AGBL4: variants seen among roughly 807,000 people sequenced by gnomAD.
The protein encoded by AGBL4 is AGBL carboxypeptidase 4, also known as cytosolic carboxypeptidase 6.
In AGBL4, 58 loss-of-function variants were observed where a neutral mutation model predicts 66.4. The observed-to-expected ratio is 0.87, with a 90% CI of 0.71 to 1.09. AGBL4 has a LOEUF of 1.09. Ranked by LOEUF, AGBL4 falls within the 50% of genes least tolerant of loss-of-function variation. The pLI is 0.00. For synonymous variants in AGBL4, 234 were observed against 222.9 expected (o/e 1.05, Z -0.44); for missense variants, 579 against 631.0 (o/e 0.92, Z 0.88).
chr1:49,761,741 A>G (rs576091383), intron 2 of AGBL4, among the ~76,000 whole-genome samples: 4 of 152,308 alleles, frequency 2.6e-5, no homozygotes, highest in East Asian at 1.9e-4. Flanking sequence ...TTAAAAATAT[A>G]TAATGCTTTA....
At chr1:49,516,227 A>G (rs1255547610) in intron 3 of AGBL4, among the ~76,000 whole-genome samples, 1 of 151,996 alleles carries the variant, frequency 6.6e-6, no homozygotes, top group Non-Finnish European at 1.5e-5. Context: ...TAGGGAACAC[A>G]GGCAAATACA....
At chr1:49,489,384 G>T in intron 3 of AGBL4, among the ~76,000 whole-genome samples, 1 of 151,476 alleles carries the variant, frequency 6.6e-6, no homozygotes, top group Non-Finnish European at 1.5e-5. Context: ...CAGATTATTA[G>T]ATTTTTTTCC....
At chr1:48,812,944 A>C (rs1208395262) in intron 6 of AGBL4, among the ~76,000 whole-genome samples, 1 of 150,694 alleles carries the variant, frequency 6.6e-6, no homozygotes, top group Non-Finnish European at 1.5e-5. Flanking sequence ...GGAACATCAC[A>C]CACTGGGGAC....
chr1:49,328,496 C>G (rs1645268619), intron 3 of AGBL4, among the ~76,000 whole-genome samples: 1 of 152,158 alleles, frequency 6.6e-6, no homozygotes, highest in Admixed American at 6.5e-5. Flanking sequence ...TTAATGGGGT[C>G]TAGTCCTCTC....
intron 4 of AGBL4, among the ~76,000 whole-genome samples, chr1:49,081,548 G>C (rs1401740372): frequency 6.6e-6 from 1 of 152,204 alleles, no homozygotes; most frequent in African/African-American, 2.4e-5. Context: ...GCTTATAAGA[G>C]ATATCCTTGC....
intron 5 of AGBL4, among the ~76,000 whole-genome samples, chr1:48,978,770 A>C (rs1374888905): frequency 6.6e-6 from 1 of 152,196 alleles, no homozygotes; most frequent in South Asian, 2.1e-4. Flanking sequence ...TGACCTAGTC[A>C]CATAGAAATA....
chr1:49,444,405 A>C (rs1041646407), intron 3 of AGBL4, among the ~76,000 whole-genome samples: 1 of 152,116 alleles, frequency 6.6e-6, no homozygotes, highest in Admixed American at 6.5e-5. Context: ...CCTTAGAAGT[A>C]GACTTAAATA....
At chr1:49,679,950 T>C (rs1271791128) in intron 3 of AGBL4, among the ~76,000 whole-genome samples, 1 of 152,152 alleles carries the variant, frequency 6.6e-6, no homozygotes, top group African/African-American at 2.4e-5. Flanking sequence ...TTGTTTCAAC[T>C]TTCAAACATA....
rs1003678340 is a variant in AGBL4 at position 49,031,692 on chromosome 1, T to A, written c.594+13892A>T. On this transcript the variant is annotated intron_variant, in intron 5 of 13. Transcript: ENST00000371839. ...TTAGTCATAAGGGGGAAAAGGAAGTTCTCTGGCAGTGGTGTAGAGGTTAGA... is the reference window on the plus strand; with the variant it reads ...TTAGTCATAAGGGGGAAAAGGAAGTACTCTGGCAGTGGTGTAGAGGTTAGA... 2.0e-5 allele frequency among the ~76,000 whole-genome samples: 3 copies of A among 152,130 alleles called. No homozygotes were observed. In the South Asian group the frequency reaches 6.2e-4, roughly 32 times the overall value.
intron 5 of AGBL4, among the ~76,000 whole-genome samples, chr1:48,902,601 A>G (rs1427787983): frequency 6.6e-6 from 1 of 152,076 alleles, no homozygotes; most frequent in Non-Finnish European, 1.5e-5. Flanking sequence ...CCATAGTGAA[A>G]TTTATTCAGT....
At chr1:49,190,814 T>C (rs929590571) in intron 4 of AGBL4, among the ~76,000 whole-genome samples, 3 of 152,080 alleles carry the variant, frequency 2.0e-5, no homozygotes, top group African/African-American at 7.2e-5. Flanking sequence ...GGGTATATAA[T>C]TAACAGAATA....
chr1:49,546,063 T>C (rs183940524), intron 3 of AGBL4, among the ~76,000 whole-genome samples: 2 of 152,220 alleles, frequency 1.3e-5, no homozygotes, highest in East Asian at 1.9e-4. Flanking sequence ...CCACAGGCCA[T>C]TGTATCATTC....
chr1:48,568,246 C>T (rs1364676533), intron 11 of AGBL4, among the ~76,000 whole-genome samples: 1 of 152,132 alleles, frequency 6.6e-6, no homozygotes, highest in Non-Finnish European at 1.5e-5. Context: ...GCATCTCTTG[C>T]ACTCTCTCCC....
chr1:49,649,825 T>C (rs770412772), intron 3 of AGBL4, among the ~76,000 whole-genome samples: 1 of 152,046 alleles, frequency 6.6e-6, no homozygotes, highest in Non-Finnish European at 1.5e-5. Context: ...AAACTAAAAA[T>C]AAGTAACAAA....
At chr1:49,956,320 T>C (rs1656601183) in intron 1 of AGBL4, among the ~76,000 whole-genome samples, 1 of 151,816 alleles carries the variant, frequency 6.6e-6, no homozygotes, top group Non-Finnish European at 1.5e-5. Flanking sequence ...GGGCCCAAAA[T>C]AATTTGTGAC....
intron 6 of AGBL4, among the ~76,000 whole-genome samples, chr1:48,667,409 A>G (rs1646206371): frequency 6.6e-6 from 1 of 152,212 alleles, no homozygotes; most frequent in South Asian, 2.1e-4. Flanking sequence ...GCCAGGAGGA[A>G]CTGAGGTTTG....
intron 4 of AGBL4, among the ~76,000 whole-genome samples, chr1:49,208,021 C>G (rs1648378819): frequency 1.3e-5 from 2 of 152,036 alleles, no homozygotes; most frequent in Non-Finnish European, 2.9e-5. Context: ...AACAGCTATA[C>G]TTTTAGAATA....
chr1:48,663,114 A>G (rs1646133622), intron 7 of AGBL4, 38 bp downstream of exon 7: 1 of 1,592,920 alleles, frequency 6.3e-7, no homozygotes, highest in Non-Finnish European at 8.6e-7. Flanking sequence ...TCCCAGTTGG[A>G]TGTGGGTATA....
At chr1:48,734,279 C>T (rs553855101) in intron 6 of AGBL4, among the ~76,000 whole-genome samples, 2 of 152,322 alleles carry the variant, frequency 1.3e-5, no homozygotes, top group Non-Finnish European at 2.9e-5. Flanking sequence ...AATCTAGGCT[C>T]TGAAACCTTA....
Sources: gnomAD v4.1 joint callset for allele counts (sites outside exome capture counted in the v4.1 genomes callset) on GRCh38, gnomAD v4.1.1 for gene constraint, MANE v1.5 for transcripts, NCBI Gene and HGNC (gene_info 2026-07-23, HGNC 2026-07-21) for gene names.